APBA2: variants seen among roughly 807,000 people sequenced by gnomAD.
APBA2 encodes the protein amyloid-beta A4 precursor protein-binding family A member 2.
A neutral mutation model predicts 75.0 loss-of-function variants in APBA2; 30 were observed. That is an observed-to-expected ratio of 0.40 (90% confidence interval 0.30 to 0.54). The LOEUF (loss-of-function observed/expected upper bound fraction) is 0.54, where lower values mean the gene tolerates loss of function less well. Among genes scored for constraint, APBA2 ranks in the 20% least tolerant of loss-of-function variants. APBA2 has a pLI of 0.49. For missense variants in APBA2, 801 were observed against 1,016.1 expected, an observed-to-expected ratio of 0.79 and a Z score of 2.88; for synonymous variants, 444 against 409.6, an observed-to-expected ratio of 1.08 and a Z score of -1.01.
chr15:29,106,660 G>A lies in APBA2; in HGVS notation c.1758G>A (p.Ser586=), dbSNP rs754605894. 2.1e-5 allele frequency: 34 copies of A among 1,612,958 alleles called. No individual in the cohort carries two copies. Among genetic ancestry groups the A allele is most frequent in the Admixed American group, 6.7e-5 (4 of 59,996 alleles). The change falls in exon 12 of 15, where the codon TCG becomes TCA. Residue 586 remains serine, a synonymous_variant. Transcript: ENST00000683413. ...TCCTGGGCGTGGTGGTGGTGGAGTC[G>A]GGCTGGGGCTCCATCCTGCCCACGG... The part of the protein sequence containing the change: ...GEILGVVVVE[S]GWGSILPTVI...
chr15:28,957,625 G>T (rs2036243122), intron 2 of APBA2, among the ~76,000 whole-genome samples: 1 of 152,064 alleles, frequency 6.6e-6, no homozygotes, highest in Admixed American at 6.6e-5. Context: ...TCTGTGGTTT[G>T]GATGGCGTTT....
chr15:29,059,651 A>G (rs1179396709), intron 4 of APBA2, among the ~76,000 whole-genome samples: 1 of 152,214 alleles, frequency 6.6e-6, no homozygotes, highest in Admixed American at 6.5e-5. Flanking sequence ...CACACATAAA[A>G]CAAGGTTCTG....
intron 3 of APBA2, among the ~76,000 whole-genome samples, chr15:29,012,914 A>G (rs2039469161): frequency 1.3e-5 from 2 of 152,128 alleles, no homozygotes; most frequent in South Asian, 4.1e-4. Flanking sequence ...CAAATCCCCA[A>G]ATGCCTTGAC....
intron 3 of APBA2, among the ~76,000 whole-genome samples, chr15:29,012,841 A>G (rs10451008): frequency 0.32 from 48,414 of 151,986 alleles, 12,543 homozygotes; most frequent in African/African-American, 0.68. Flanking sequence ...GCTTAGGCCT[A>G]TTGCCTCTTA....
intron 5 of APBA2, among the ~76,000 whole-genome samples, chr15:29,075,488 G>A (rs544797673): frequency 6.6e-6 from 1 of 152,138 alleles, no homozygotes; most frequent in Non-Finnish European, 1.5e-5. Context: ...TCCCTGATTT[G>A]TGGTAACCAA....
intron 2 of APBA2, among the ~76,000 whole-genome samples, chr15:28,924,071 G>A (rs1378086158): frequency 2.0e-5 from 3 of 152,180 alleles, no homozygotes; most frequent in East Asian, 1.9e-4. Context: ...CCCCTGCCCC[G>A]TTGCCCTGCT....
chr15:29,059,844 A>G (rs2042055367), intron 4 of APBA2, among the ~76,000 whole-genome samples: 1 of 152,162 alleles, frequency 6.6e-6, no homozygotes, highest in Non-Finnish European at 1.5e-5. Flanking sequence ...TTTGCTGCAA[A>G]GTTTTTCCCT....
Position 29,065,004 on chromosome 15 carries a change from A to AGTGTGTGT in APBA2, c.952-9901_952-9894dup, listed in dbSNP as rs35524060. 8.9e-3 allele frequency among the ~76,000 whole-genome samples: 1,330 copies of AGTGTGTGT among 148,722 alleles called. 20 individuals carry two copies. The highest frequency in any genetic ancestry group is 0.031 in the African/African-American group (1,277 of 40,682). On this transcript the variant is annotated intron_variant, in intron 4 of 14. Transcript: ENST00000683413. ...GGTGCCAGCAAGCCGAGGTGCTCAT[A>AGTGTGTGT]GTGTGTGTGTGTGTGTGTGTGTGCA...
intron 2 of APBA2, among the ~76,000 whole-genome samples, chr15:28,948,118 G>C (rs1369511104): frequency 6.6e-6 from 1 of 152,100 alleles, no homozygotes; most frequent in Non-Finnish European, 1.5e-5. Flanking sequence ...CTGTTTTCAG[G>C]GGGCATTTGC....
At chr15:28,898,652 G>A (rs553734336) in intron 1 of APBA2, among the ~76,000 whole-genome samples, 1 of 152,270 alleles carries the variant, frequency 6.6e-6, no homozygotes, top group East Asian at 1.9e-4. Flanking sequence ...TGCATGGGAA[G>A]GTTCCATTTA....
chr15:29,009,078 T>A (rs796072498), intron 3 of APBA2, among the ~76,000 whole-genome samples: 5 of 152,274 alleles, frequency 3.3e-5, no homozygotes, highest in African/African-American at 1.2e-4. Flanking sequence ...TGCACCAAAG[T>A]ATCCTACTGA....
At chr15:29,026,741 G>C (rs946344124) in intron 3 of APBA2, among the ~76,000 whole-genome samples, 1 of 147,746 alleles carries the variant, frequency 6.8e-6, no homozygotes, top group Admixed American at 6.7e-5. Context: ...GTGAAACCCC[G>C]TCTCTACTGA....
At chr15:29,083,616 C>T (rs893283793) in intron 6 of APBA2, among the ~76,000 whole-genome samples, 3 of 152,140 alleles carry the variant, frequency 2.0e-5, no homozygotes, top group African/African-American at 7.2e-5. Flanking sequence ...CTGCAACCTT[C>T]GCCTTCTGGG....
chr15:29,000,140 T>C (rs2038767579), intron 3 of APBA2, among the ~76,000 whole-genome samples: 1 of 152,192 alleles, frequency 6.6e-6, no homozygotes. Context: ...TCACAGACTA[T>C]CCAGAAACAG....
intron 3 of APBA2, among the ~76,000 whole-genome samples, chr15:29,043,862 G>A (rs1268225823): frequency 6.6e-6 from 1 of 152,174 alleles, no homozygotes; most frequent in East Asian, 1.9e-4. Context: ...TAATTTATTA[G>A]TGTCCTTTCA....
chr15:28,915,514 A>C (rs1385983784), intron 1 of APBA2, among the ~76,000 whole-genome samples: 1 of 150,168 alleles, frequency 6.7e-6, no homozygotes, highest in Non-Finnish European at 1.5e-5. Context: ...CATACATACC[A>C]CACACCACAC....
At chr15:29,083,697 AT>A (rs1407743974) in intron 6 of APBA2, among the ~76,000 whole-genome samples, 19 of 151,950 alleles carry the variant, frequency 1.3e-4, no homozygotes, top group Non-Finnish European at 2.5e-4. Flanking sequence ...TGGCCGGCTA[AT>A]TTTTGTATTT....
At chr15:29,090,364 G>C (rs1448652027) in intron 6 of APBA2, among the ~76,000 whole-genome samples, 1 of 152,194 alleles carries the variant, frequency 6.6e-6, no homozygotes, top group African/African-American at 2.4e-5. Context: ...CTCACTTCAG[G>C]GGGAGACGAG....
At chr15:28,949,563 GGCTCAA>G (rs1393675988) in intron 2 of APBA2, among the ~76,000 whole-genome samples, 1 of 152,134 alleles carries the variant, frequency 6.6e-6, no homozygotes, top group African/African-American at 2.4e-5. Context: ...CTGCCTCCCA[GGCTCAA>G]GCGATCCTCC....
Sources: allele counts gnomAD v4.1 joint callset (sites outside exome capture counted in the v4.1 genomes callset), GRCh38; gene constraint gnomAD v4.1.1; transcripts MANE v1.5; gene names NCBI Gene and HGNC (gene_info 2026-07-23, HGNC 2026-07-21).